ATG4A: variants seen among roughly 807,000 people sequenced by gnomAD.
ATG4A encodes cysteine protease ATG4A.
In ATG4A, 22 loss-of-function variants were observed where a neutral mutation model predicts 38.4. The observed-to-expected ratio is 0.57, with a 90% CI of 0.41 to 0.82. The LOEUF is 0.82. ATG4A is among the 40% of genes least tolerant of loss of function. The probability of loss-of-function intolerance (pLI) is 0.00; values close to 1 mark genes in which losing one functional copy is unlikely to be tolerated. For synonymous variants in ATG4A, 86 were observed against 100.7 expected (o/e 0.85, Z 0.88); for missense variants, 220 against 290.0 (o/e 0.76, Z 1.75).
intron 1 of ATG4A, among the ~76,000 whole-genome samples, chrX:108,093,475 G>A (rs1182930237): frequency 3.6e-5 from 4 of 111,639 alleles, no homozygotes; most frequent in African/African-American, 1.3e-4. Flanking sequence ...CTATTAGATA[G>A]GCACATCAGT....
chrX:108,119,773 T>G (rs935759053), intron 1 of ATG4A, among the ~76,000 whole-genome samples: 1 of 111,914 alleles, frequency 8.9e-6, no homozygotes, highest in Non-Finnish European at 1.9e-5. Flanking sequence ...TCCCTTTCCT[T>G]TTCCTCCTTC....
In ATG4A at chrX:108,148,020, A is replaced by AATATATAT. The variant is rs60886281; in HGVS notation, c.815-2083_815-2076dup. ...CTCTAGAGGGACAGAACTAATGGAA[A>AATATATAT]ATATATATATATATATATATATATA... On this transcript the variant is annotated intron_variant, in intron 9 of 12. Transcript: ENST00000372232. Among the ~76,000 whole-genome samples, 163 of 79,961 alleles carry AATATATAT rather than the reference A, an allele frequency of 2.0e-3. 1 individual carries two copies. Among genetic ancestry groups the AATATATAT allele is most frequent in the Non-Finnish European group, 2.7e-3 (114 of 42,076 alleles). 69.4% of individuals were successfully genotyped at this position (79,961 alleles called of 115,157 possible). A position where few individuals can be genotyped will look rare whatever the true frequency, so the allele number is the denominator to read the frequency against.
intron 9 of ATG4A, among the ~76,000 whole-genome samples, chrX:108,141,840 G>A (rs1983232575): frequency 9.0e-6 from 1 of 111,399 alleles, no homozygotes; most frequent in African/African-American, 3.3e-5. Flanking sequence ...TTTTGTTCCA[G>A]ATTCAGGAGG....
At chrX:108,130,415 G>A (rs1444103819) in intron 3 of ATG4A, among the ~76,000 whole-genome samples, 1 of 112,359 alleles carries the variant, frequency 8.9e-6, no homozygotes, top group East Asian at 2.8e-4. Context: ...TCAAATGTGG[G>A]ATTTTCTTTG....
intron 12 of ATG4A, 112 bp from the exon 13 acceptor site, chrX:108,153,530 C>G: frequency 1.8e-6 from 1 of 560,666 alleles, no homozygotes; most frequent in Non-Finnish European, 3.0e-6. Flanking sequence ...ACAAGTCTTT[C>G]TTTAGTACAG....
At chrX:108,129,761 A>G (rs373398507) in intron 3 of ATG4A, among the ~76,000 whole-genome samples, 18 of 108,784 alleles carry the variant, frequency 1.7e-4, no homozygotes, top group Admixed American at 2.0e-4. Flanking sequence ...TAGTAGAGAC[A>G]GGGTTTCACT....
chrX:108,147,432 C>T (rs955309488), intron 9 of ATG4A, among the ~76,000 whole-genome samples: 2 of 111,676 alleles, frequency 1.8e-5, no homozygotes, highest in Non-Finnish European at 3.8e-5. Flanking sequence ...CCAATCAATG[C>T]CCTCACTTTA....
At chrX:108,152,935 G>T in intron 11 of ATG4A, 44 bp from the exon 12 acceptor site, 13 of 1,007,836 alleles carry the variant, frequency 1.3e-5, no homozygotes, top group Non-Finnish European at 1.8e-5. Flanking sequence ...AATTAGAAAT[G>T]TTGTGACTCT....
intron 9 of ATG4A, among the ~76,000 whole-genome samples, chrX:108,144,935 T>C (rs2033388112): frequency 8.9e-6 from 1 of 112,164 alleles, no homozygotes; most frequent in African/African-American, 3.2e-5. Flanking sequence ...TTCCCTTCAA[T>C]GGGTCAGAGT....
intron 1 of ATG4A, among the ~76,000 whole-genome samples, chrX:108,114,569 C>T (rs1255613630): frequency 8.9e-6 from 1 of 112,313 alleles, no homozygotes; most frequent in African/African-American, 3.2e-5. Context: ...TTTATTTGAG[C>T]AGACAGTGAT....
intron 4 of ATG4A, among the ~76,000 whole-genome samples, chrX:108,133,840 G>C (rs1403822380): frequency 9.0e-6 from 1 of 111,685 alleles, no homozygotes; most frequent in Non-Finnish European, 1.9e-5. Context: ...TTTTTGTTTT[G>C]CTTTTACTTT....
chrX:108,151,745 C>A (rs1432119020), intron 10 of ATG4A, 57 bp from the exon 11 acceptor site: 1 of 1,119,624 alleles, frequency 8.9e-7, no homozygotes, highest in Non-Finnish European at 1.2e-6. Flanking sequence ...GGGCCAACAG[C>A]TCCATTGTGC....
intron 9 of ATG4A, among the ~76,000 whole-genome samples, chrX:108,147,680 C>T (rs949658566): frequency 9.0e-6 from 1 of 111,133 alleles, no homozygotes; most frequent in African/African-American, 3.3e-5. Context: ...TAGGAGCAAC[C>T]AACTAGCTTC....
chrX:108,127,959 A>G (rs2032845999), intron 2 of ATG4A, among the ~76,000 whole-genome samples: 1 of 112,344 alleles, frequency 8.9e-6, no homozygotes, highest in Admixed American at 9.4e-5. Context: ...GATATTATAT[A>G]TGCATTTAGA....
chrX:108,138,263 G>A, intron 9 of ATG4A, 72 bp downstream of exon 9: 1 of 960,231 alleles, frequency 1.0e-6, no homozygotes, highest in East Asian at 3.1e-5. Context: ...TTGCATGGGA[G>A]ACCAGGCAAT....
rs755000472 is a variant in ATG4A, at chrX:108,103,672, A to G, written c.10+11836A>G. ...TAAAGGGATTTTCTTTGACATTACC[A>G]TGGAACTTACAGAAAACATCTTATA... On this transcript the variant is annotated intron_variant, in intron 1 of 12. Transcript: ENST00000372232. Among the ~76,000 whole-genome samples the G allele has an allele frequency of 7.2e-5, 8 of 111,788 alleles. No individual in the cohort carries two copies. In the East Asian group the frequency reaches 1.4e-3, roughly 20 times the overall value.
intron 1 of ATG4A, among the ~76,000 whole-genome samples, chrX:108,092,654 C>A (rs1039578683): frequency 3.6e-5 from 4 of 112,221 alleles, no homozygotes; most frequent in African/African-American, 1.3e-4. Flanking sequence ...ACTTTTATGA[C>A]AAAAGAGAAA....
At chrX:108,137,675 TG>T in intron 7 of ATG4A, 128 bp from the exon 8 acceptor site, 1 of 617,318 alleles carries the variant, frequency 1.6e-6, no homozygotes, top group Non-Finnish European at 2.4e-6. Flanking sequence ...AGCTGAGCCC[TG>T]GTGGCAGAGG....
intron 1 of ATG4A, among the ~76,000 whole-genome samples, chrX:108,122,362 T>C (rs1341962647): frequency 5.4e-5 from 6 of 111,527 alleles, no homozygotes; most frequent in Non-Finnish European, 7.5e-5. Flanking sequence ...CTGGCAGAAA[T>C]AGCATCAAAT....
Sources: gnomAD v4.1 joint callset for allele counts (sites outside exome capture counted in the v4.1 genomes callset) on GRCh38, gnomAD v4.1.1 for gene constraint, MANE v1.5 for transcripts, NCBI Gene and HGNC (gene_info 2026-07-23, HGNC 2026-07-21) for gene names.